The following IGF2R variants were observed in gnomAD, a reference collection of about 807,000 sequenced individuals.
The protein encoded by IGF2R is cation-independent mannose-6-phosphate receptor.
In IGF2R, 91 loss-of-function variants were observed where a neutral mutation model predicts 270.6. That is an observed-to-expected ratio of 0.34 (90% confidence interval 0.28 to 0.40). IGF2R has a LOEUF of 0.40. Ranked by LOEUF, IGF2R falls within the 10% of genes least tolerant of loss-of-function variation. The pLI, the probability that IGF2R is intolerant of heterozygous loss-of-function variation, is 1.00. For synonymous variants in IGF2R, 1,316 were observed against 1,258.9 expected (o/e 1.05, Z -0.96); for missense variants, 2,805 against 3,188.3 (o/e 0.88, Z 2.90).
chr6:160,062,168 ATTTTTTT>A (rs34356477), intron 25 of IGF2R, among the ~76,000 whole-genome samples: 14 of 106,622 alleles, frequency 1.3e-4, no homozygotes, highest in African/African-American at 1.9e-4. Flanking sequence ...CATTTATTTA[ATTTTTTT>A]TTTTTTTTTT....
At chr6:160,002,837 T>C (rs561139354) in intron 2 of IGF2R, among the ~76,000 whole-genome samples, 1 of 152,224 alleles carries the variant, frequency 6.6e-6, no homozygotes, top group Non-Finnish European at 1.5e-5. Flanking sequence ...ATTGGAGTTA[T>C]ATTAAACATT....
intron 1 of IGF2R, among the ~76,000 whole-genome samples, chr6:159,985,310 G>A (rs896409675): frequency 2.6e-5 from 4 of 152,264 alleles, no homozygotes; most frequent in African/African-American, 7.2e-5. Context: ...TACCTAATTG[G>A]TTAAGGACTC....
chr6:160,065,773 G>A (rs1778556889), intron 29 of IGF2R, among the ~76,000 whole-genome samples: 1 of 122,402 alleles, frequency 8.2e-6, no homozygotes, highest in African/African-American at 3.3e-5. Context: ...TTTTCCTAGA[G>A]ATATGTGTAT....
intron 1 of IGF2R, among the ~76,000 whole-genome samples, chr6:159,971,310 C>T (rs551979478): frequency 6.6e-6 from 1 of 152,276 alleles, no homozygotes; most frequent in South Asian, 2.1e-4. Context: ...TGGAACACGG[C>T]CTCTTGGTCT....
intron 4 of IGF2R, among the ~76,000 whole-genome samples, chr6:160,011,716 C>T (rs1382228723): frequency 6.6e-6 from 1 of 152,088 alleles, no homozygotes; most frequent in African/African-American, 2.4e-5. Flanking sequence ...CCTGGATTCC[C>T]TCATGTTGCA....
chr6:160,018,536 A>G (rs967573488), intron 4 of IGF2R, among the ~76,000 whole-genome samples: 1 of 152,164 alleles, frequency 6.6e-6, no homozygotes, highest in Non-Finnish European at 1.5e-5. Context: ...TCATCAGTGC[A>G]TGGAACGTTT....
At chr6:159,983,663 T>G (rs1468897521) in intron 1 of IGF2R, among the ~76,000 whole-genome samples, 1 of 152,228 alleles carries the variant, frequency 6.6e-6, no homozygotes, top group Non-Finnish European at 1.5e-5. Flanking sequence ...GCTCCCCGTT[T>G]CCTGCTGGGC....
chr6:160,046,333 G>T (rs568251137), intron 14 of IGF2R, among the ~76,000 whole-genome samples, 165 bp from the exon 15 acceptor site: 1 of 152,126 alleles, frequency 6.6e-6, no homozygotes, highest in East Asian at 1.9e-4. Context: ...TAGTAATCGC[G>T]GTTCTGGTGG....
intron 10 of IGF2R, among the ~76,000 whole-genome samples, chr6:160,037,345 T>C (rs1311229610): frequency 1.3e-5 from 2 of 152,240 alleles, no homozygotes; most frequent in African/African-American, 4.8e-5. Context: ...AATTCAGCAC[T>C]CCAAACTCTG....
chr6:160,059,092 G>T lies in IGF2R; in HGVS notation c.3085G>T (p.Ala1029Ser). The T allele has an allele frequency of 6.2e-7, 1 of 1,613,694 alleles. No homozygotes were observed. The highest frequency in any genetic ancestry group is 8.5e-7 in the Non-Finnish European group (1 of 1,179,856). Reference sequence around the variant, plus strand: ...TCTGACCTACAAAGGGCCTCTCTCTGCCAAAGGTGAGCTCAGAGCCATGTT... The same window carrying T: ...TCTGACCTACAAAGGGCCTCTCTCTTCCAAAGGTGAGCTCAGAGCCATGTT... Reference protein sequence around the residue: ...ITLTYKGPLSAKGTADAFIVR... With the variant: ...ITLTYKGPLSSKGTADAFIVR... Residue 1029 changes from alanine to serine, a missense_variant, in exon 22 of 48, where the codon GCC becomes TCC. Physicochemically the swap from Ala to Ser is moderately conservative, Grantham distance 99. Transcript: ENST00000356956.
chr6:160,054,788 T>C (rs981711412), intron 19 of IGF2R, among the ~76,000 whole-genome samples: 1 of 152,174 alleles, frequency 6.6e-6, no homozygotes, highest in East Asian at 1.9e-4. Context: ...TGAGAAATTA[T>C]CAAATGGTTA....
At chr6:160,034,373 C>A in intron 9 of IGF2R, 46 bp from the exon 10 acceptor site, 1 of 1,276,864 alleles carries the variant, frequency 7.8e-7, no homozygotes, top group Non-Finnish European at 1.1e-6. Flanking sequence ...AAGTTTTTTT[C>A]TTGGTTCTCC....
At chr6:160,067,495 A>G (rs940386244) in intron 29 of IGF2R, among the ~76,000 whole-genome samples, 1 of 151,974 alleles carries the variant, frequency 6.6e-6, no homozygotes, top group African/African-American at 2.4e-5. Context: ...ATTTTGGTAA[A>G]CTTTGTAAGA....
rs757067664 is a variant in IGF2R at position 160,040,554 on chromosome 6, G to C, written c.1316-6G>C. The C allele has an allele frequency of 1.9e-6, 3 of 1,613,628 alleles. No homozygotes were observed. The highest frequency in any genetic ancestry group is 2.5e-6 in the Non-Finnish European group (3 of 1,179,696). On this transcript the variant is annotated splice_region_variant and splice_polypyrimidine_tract_variant and intron_variant, in intron 10 of 47. Transcript: ENST00000356956. ...GAGTTTAAATTTCTCCTCTTGAATT[G>C]TGCAGGTAACGATGGGAAAGGAACT...
At chr6:160,086,975 A>G (rs1779109757) in intron 41 of IGF2R, among the ~76,000 whole-genome samples, 1 of 151,634 alleles carries the variant, frequency 6.6e-6, no homozygotes, top group African/African-American at 2.4e-5. Flanking sequence ...CTGGGCCCAG[A>G]CCGTTCCCAG....
At chr6:159,970,350 T>TGTTACTTTTACAA (rs1280265272) in intron 1 of IGF2R, among the ~76,000 whole-genome samples, 2 of 152,222 alleles carry the variant, frequency 1.3e-5, no homozygotes, top group African/African-American at 4.8e-5. Flanking sequence ...TCCCTGTTAC[T>TGTTACTTTTACAA]GTTACTTTTA....
intron 6 of IGF2R, among the ~76,000 whole-genome samples, chr6:160,028,206 T>A (rs570071403): frequency 6.6e-6 from 1 of 152,202 alleles, no homozygotes; most frequent in Non-Finnish European, 1.5e-5. Flanking sequence ...TCTCCTTGGC[T>A]CGTTAGATGG....
chr6:160,051,200 G>T (rs951459383), intron 19 of IGF2R, among the ~76,000 whole-genome samples: 37 of 152,320 alleles, frequency 2.4e-4, no homozygotes, highest in Admixed American at 2.0e-3. Flanking sequence ...GGGAGATAGG[G>T]GATGTAGACA....
intron 28 of IGF2R, 87 bp downstream of exon 28, chr6:160,064,618 C>A: frequency 7.1e-7 from 1 of 1,414,002 alleles, no homozygotes. Flanking sequence ...GTCCTCAGAT[C>A]TCATCAAATC....
Sources: allele counts gnomAD v4.1 joint callset (sites outside exome capture counted in the v4.1 genomes callset), GRCh38; gene constraint gnomAD v4.1.1; transcripts MANE v1.5; gene names NCBI Gene and HGNC (gene_info 2026-07-23, HGNC 2026-07-21).